SRGAP3: variants seen among roughly 807,000 people sequenced by gnomAD.
SRGAP3 encodes SLIT-ROBO Rho GTPase activating protein 3.
A neutral mutation model predicts 121.1 loss-of-function variants in SRGAP3; 39 were observed. That is an observed-to-expected ratio of 0.32 (90% CI 0.25 to 0.42). The LOEUF (loss-of-function observed/expected upper bound fraction) is 0.42, where lower values mean the gene tolerates loss of function less well. Among genes scored for constraint, SRGAP3 ranks in the 10% least tolerant of loss-of-function variants. The pLI is 1.00. For missense variants in SRGAP3, 1,213 were observed against 1,470.6 expected (o/e 0.82, Z 2.86); for synonymous variants, 601 against 570.0 (o/e 1.05, Z -0.77).
At chr3:9,025,185 C>G in intron 14 of SRGAP3, 76 bp downstream of exon 14, 2 of 1,518,506 alleles carry the variant, frequency 1.3e-6, no homozygotes, top group East Asian at 2.3e-5. Context: ...CTGCACACCA[C>G]TGGCTCTGAG....
At chr3:9,041,059 A>G (rs1944987528) in intron 10 of SRGAP3, among the ~76,000 whole-genome samples, 2 of 152,382 alleles carry the variant, frequency 1.3e-5, no homozygotes, top group South Asian at 4.1e-4. Flanking sequence ...TATCTGCAAG[A>G]AGCTTAGTAC....
At chr3:9,196,512 T>C (rs1951921659) in intron 1 of SRGAP3, among the ~76,000 whole-genome samples, 1 of 152,270 alleles carries the variant, frequency 6.6e-6, no homozygotes, top group Non-Finnish European at 1.5e-5. Context: ...CTCTTATTTT[T>C]GCTTTTTCTT....
intron 12 of SRGAP3, chr3:9,028,041 A>C (rs537712217): frequency 6.2e-7 from 1 of 1,604,012 alleles, no homozygotes; most frequent in Non-Finnish European, 8.5e-7. Flanking sequence ...TCTGGAAGTC[A>C]GCACTAAAGA....
chr3:9,223,369 T>C (rs1952879446), intron 1 of SRGAP3, among the ~76,000 whole-genome samples: 1 of 152,216 alleles, frequency 6.6e-6, no homozygotes, highest in Admixed American at 6.5e-5. Flanking sequence ...CCTAGGTTAA[T>C]AAGTTCAGGA....
chr3:9,084,593 G>A (rs1477962503), intron 3 of SRGAP3, among the ~76,000 whole-genome samples: 3 of 152,148 alleles, frequency 2.0e-5, no homozygotes, highest in Non-Finnish European at 4.4e-5. Context: ...TATTGATCAA[G>A]TCACTTTCAG....
At chr3:9,189,340 C>T (rs866628251) in intron 1 of SRGAP3, among the ~76,000 whole-genome samples, 6 of 152,210 alleles carry the variant, frequency 3.9e-5, no homozygotes, top group Admixed American at 6.5e-5. Context: ...GTAAGGCAAG[C>T]CCCTGCTTAT....
chr3:9,191,072 C>T (rs1458490124), intron 1 of SRGAP3, among the ~76,000 whole-genome samples: 1 of 152,192 alleles, frequency 6.6e-6, no homozygotes, highest in Non-Finnish European at 1.5e-5. Context: ...TTTCTCGTCC[C>T]CCTCCTCCAC....
At chr3:9,230,485 C>G (rs1348374023) in intron 1 of SRGAP3, among the ~76,000 whole-genome samples, 1 of 152,162 alleles carries the variant, frequency 6.6e-6, no homozygotes, top group Non-Finnish European at 1.5e-5. Flanking sequence ...TACCCCCATG[C>G]CAGAATCACA....
chr3:9,049,256 C>T (rs922314919), intron 9 of SRGAP3: 3 of 383,740 alleles, frequency 7.8e-6, no homozygotes, highest in Non-Finnish European at 1.0e-5. Flanking sequence ...CTCACACTGG[C>T]CCACCTTGAT....
At chr3:9,175,016 C>A (rs1267685562) in intron 1 of SRGAP3, among the ~76,000 whole-genome samples, 2 of 152,126 alleles carry the variant, frequency 1.3e-5, no homozygotes, top group African/African-American at 4.8e-5. Context: ...TGCATGCAGG[C>A]ACTGCTGGGC....
chr3:9,115,717 T>TA (rs1192239089), intron 2 of SRGAP3, among the ~76,000 whole-genome samples: 7 of 152,198 alleles, frequency 4.6e-5, no homozygotes, highest in Admixed American at 1.3e-4. Flanking sequence ...GAATGGGACT[T>TA]AGAGTGATTT....
chr3:9,146,330 T>C (rs911165539), intron 1 of SRGAP3, among the ~76,000 whole-genome samples: 1 of 152,198 alleles, frequency 6.6e-6, no homozygotes, highest in Non-Finnish European at 1.5e-5. Flanking sequence ...CTGCCCAGTT[T>C]AGAGTCCCGC....
chr3:9,140,990 A>G (rs1052603755), intron 1 of SRGAP3, among the ~76,000 whole-genome samples: 3 of 152,232 alleles, frequency 2.0e-5, no homozygotes, highest in African/African-American at 7.2e-5. Context: ...TTAGAGACCC[A>G]GTGTAAAACA....
intron 14 of SRGAP3, among the ~76,000 whole-genome samples, chr3:9,021,437 C>T (rs1943917458): frequency 6.6e-6 from 1 of 151,880 alleles, no homozygotes; most frequent in Non-Finnish European, 1.5e-5. Flanking sequence ...CTCTCTCCTT[C>T]ATTTTGCCAG....
intron 1 of SRGAP3, among the ~76,000 whole-genome samples, chr3:9,185,111 C>T (rs1951554567): frequency 6.6e-6 from 1 of 152,224 alleles, no homozygotes; most frequent in Non-Finnish European, 1.5e-5. Context: ...CTTCGGTCTT[C>T]CCACATGATT....
chr3:9,328,930 A>T (rs558774569), intron 2 of SRGAP3, among the ~76,000 whole-genome samples: 1 of 152,338 alleles, frequency 6.6e-6, no homozygotes, highest in South Asian at 2.1e-4. Flanking sequence ...GCGGAGACCA[A>T]GAGAAAGTAC....
At chr3:9,089,293 G>A (rs531322187) in intron 3 of SRGAP3, among the ~76,000 whole-genome samples, 1 of 17,676 alleles carries the variant, frequency 5.7e-5, no homozygotes, top group Non-Finnish European at 1.4e-4. Flanking sequence ...TGGGGTGGGC[G>A]GGGGGGGGGG....
At chr3:9,350,747 T>C (rs1442659412) in intron 1 of SRGAP3, among the ~76,000 whole-genome samples, 1 of 152,192 alleles carries the variant, frequency 6.6e-6, no homozygotes, top group Admixed American at 6.5e-5. Context: ...TTCTTCCAGC[T>C]ACTCTGGTGA....
intron 3 of SRGAP3, among the ~76,000 whole-genome samples, chr3:9,313,099 G>C (rs188043371): frequency 1.5e-4 from 23 of 152,270 alleles, no homozygotes; most frequent in Admixed American, 1.4e-3. Context: ...ATCTACCCAT[G>C]TTCCCAGCCA....
Sources: allele counts gnomAD v4.1 joint callset (sites outside exome capture counted in the v4.1 genomes callset), GRCh38; gene constraint gnomAD v4.1.1; transcripts MANE v1.5; gene names NCBI Gene and HGNC (gene_info 2026-07-23, HGNC 2026-07-21).